Variants in LTN1 observed in about 807,000 individuals in gnomAD.
LTN1 encodes the protein listerin E3 ubiquitin protein ligase 1.
In LTN1, 88 loss-of-function variants were observed where a neutral mutation model predicts 201.2. That is an observed-to-expected ratio of 0.44 (90% CI 0.37 to 0.52). LTN1 has a LOEUF of 0.52. Among genes scored for constraint, LTN1 ranks in the 20% least tolerant of loss-of-function variants. The pLI is 0.00. For missense variants in LTN1, 1,752 were observed against 2,038.7 expected, an observed-to-expected ratio of 0.86 and a Z score of 2.71; for synonymous variants, 645 against 713.5, an observed-to-expected ratio of 0.90 and a Z score of 1.53.
Position 28,976,725 on chromosome 21 carries a change from T to C in LTN1, c.810+4394A>G, listed in dbSNP as rs140370070. Among the ~76,000 whole-genome samples the C allele has an allele frequency of 6.5e-3, 990 of 152,284 alleles. 26 individuals are homozygous for C. Among genetic ancestry groups the C allele is most frequent in the Admixed American group, 0.049 (747 of 15,280 alleles). Reference sequence around the variant, plus strand: ...GTACAACCACAATTAAAATTCTAGTTAGACGTTTTTGAGAAATTCAACAAA... The same window carrying C: ...GTACAACCACAATTAAAATTCTAGTCAGACGTTTTTGAGAAATTCAACAAA... On this transcript the variant is annotated intron_variant, in intron 6 of 29. Coordinates refer to ENST00000361371, the MANE Select transcript of LTN1 (RefSeq NM_015565.3).
rs1420009782 is a variant in LTN1, at chr21:28,957,339, G to C, written c.2885C>G (p.Pro962Arg). The change falls in exon 15 of 30, where the codon CCT becomes CGT. Residue 962 changes from proline to arginine, a missense_variant. Physicochemically the swap from Pro to Arg is moderately radical, Grantham distance 103. Around this residue, in one of 3 missense-constraint regions of LTN1, gnomAD observed 1,211 missense variants for 1,312.8 expected, o/e 0.92. Transcript: ENST00000361371. Reference sequence around the variant, plus strand: ...CTTCAATTTCCAAAATACCTGCATAGGAAGAGACTGCCTCATCTTTTCCCA... The same window carrying C: ...CTTCAATTTCCAAAATACCTGCATACGAAGAGACTGCCTCATCTTTTCCCA... ...SEWEKMRQSL[P>R]MQWLHRPLLE... 6.3e-7 allele frequency: 1 copy of C among 1,591,936 alleles called. No homozygotes were observed. The highest frequency in any genetic ancestry group is 1.1e-5 in the South Asian group (1 of 88,152).
At chr21:28,973,807 G>A (rs1164587993) in intron 6 of LTN1, among the ~76,000 whole-genome samples, 1 of 152,178 alleles carries the variant, frequency 6.6e-6, no homozygotes, top group African/African-American at 2.4e-5. Context: ...ATAATCAAGT[G>A]CATGGTATTG....
chr21:28,935,833 C>T (rs893128049), intron 26 of LTN1, among the ~76,000 whole-genome samples: 1 of 139,846 alleles, frequency 7.2e-6, no homozygotes, highest in Non-Finnish European at 1.5e-5. Context: ...GAGCGAGACT[C>T]CGTCTCAAAA....
At chr21:28,957,648 T>G (rs1249397931) in intron 14 of LTN1, among the ~76,000 whole-genome samples, 172 bp from the exon 15 acceptor site, 1 of 152,104 alleles carries the variant, frequency 6.6e-6, no homozygotes, top group Non-Finnish European at 1.5e-5. Flanking sequence ...ACAGTCAAAC[T>G]GGGGAGGTAA....
intron 6 of LTN1, among the ~76,000 whole-genome samples, chr21:28,974,966 A>G (rs1601205508): frequency 6.6e-6 from 1 of 151,858 alleles, no homozygotes; most frequent in Non-Finnish European, 1.5e-5. Flanking sequence ...GGGTCTAATC[A>G]AGTTAACTGC....
intron 7 of LTN1, 88 bp from the exon 8 acceptor site, chr21:28,970,830 G>C: frequency 1.0e-6 from 1 of 983,280 alleles, no homozygotes; most frequent in African/African-American, 1.7e-5. Context: ...CTCTCAAAAA[G>C]AAAAACCAAG....
At chr21:28,991,692 G>T (rs1368739442) in intron 1 of LTN1, among the ~76,000 whole-genome samples, 1 of 152,170 alleles carries the variant, frequency 6.6e-6, no homozygotes, top group African/African-American at 2.4e-5. Flanking sequence ...ATTAAAAGAT[G>T]CAAGTAAAGT....
chr21:28,980,677 C>T (rs2084651848), intron 6 of LTN1, among the ~76,000 whole-genome samples: 1 of 151,784 alleles, frequency 6.6e-6, no homozygotes, highest in South Asian at 2.1e-4. Flanking sequence ...AGGGCAATGC[C>T]TCAGTATTCA....
At chr21:28,965,539 C>T (rs1345259959) in intron 11 of LTN1, among the ~76,000 whole-genome samples, 1 of 152,034 alleles carries the variant, frequency 6.6e-6, no homozygotes, top group Non-Finnish European at 1.5e-5. Flanking sequence ...GAAAAAGTAA[C>T]TAGAATAACA....
intron 10 of LTN1, among the ~76,000 whole-genome samples, 192 bp from the exon 11 acceptor site, chr21:28,966,098 AC>A (rs2084520098): frequency 6.6e-6 from 1 of 152,192 alleles, no homozygotes; most frequent in Non-Finnish European, 1.5e-5. Flanking sequence ...TAAATGAAGT[AC>A]CCATGTAACC....
At chr21:28,948,113 C>A (rs9977324) in intron 18 of LTN1, among the ~76,000 whole-genome samples, 129,591 of 129,592 alleles carry the variant, frequency 1, 64,795 homozygotes, top group Middle Eastern at 1. Flanking sequence ...AATCACTTGC[C>A]CCTGGGAGGC....
At chr21:28,982,803 G>A (rs1451013024) in intron 4 of LTN1, among the ~76,000 whole-genome samples, 1 of 152,224 alleles carries the variant, frequency 6.6e-6, no homozygotes, top group Non-Finnish European at 1.5e-5. Context: ...CTCCTGGGGT[G>A]CAGTGCAAGG....
rs541969242 is a variant in LTN1, at chr21:28,988,454, G to A, written c.43-1520C>T. 1.9e-4 allele frequency among the ~76,000 whole-genome samples: 28 copies of A among 147,780 alleles called. No homozygotes were observed. The South Asian group carries it at 4.0e-3, about 21-fold the overall frequency. Reference sequence around the variant, plus strand: ...TGCACTCCACCCAGGGCAACAGAGCGAGGCTCTGTCTCAAAAAAAAAAAAA... The same window carrying A: ...TGCACTCCACCCAGGGCAACAGAGCAAGGCTCTGTCTCAAAAAAAAAAAAA... On this transcript the variant is annotated intron_variant, in intron 1 of 29. Transcript: ENST00000361371.
At chr21:28,935,752 A>G (rs1199262353) in intron 26 of LTN1, among the ~76,000 whole-genome samples, 3 of 151,516 alleles carry the variant, frequency 2.0e-5, no homozygotes, top group Non-Finnish European at 4.4e-5. Context: ...AGGCAGGAGA[A>G]TGGCATGAAC....
intron 4 of LTN1, among the ~76,000 whole-genome samples, chr21:28,982,654 A>T (rs2084667920): frequency 6.6e-6 from 1 of 152,210 alleles, no homozygotes; most frequent in African/African-American, 2.4e-5. Flanking sequence ...AGTGAATGTG[A>T]ATCTGGGAGA....
chr21:28,950,442 G>GA (rs1256193131), intron 18 of LTN1, among the ~76,000 whole-genome samples: 2 of 151,962 alleles, frequency 1.3e-5, no homozygotes, highest in African/African-American at 4.8e-5. Context: ...TTTATAATCA[G>GA]AAAAAAATGT....
intron 18 of LTN1, among the ~76,000 whole-genome samples, chr21:28,951,874 G>A (rs1744118044): frequency 1.3e-5 from 2 of 152,194 alleles, no homozygotes; most frequent in South Asian, 4.2e-4. Flanking sequence ...GGAGGGTGTG[G>A]TGGGAGGATC....
chr21:28,959,794 G>T, intron 12 of LTN1, 97 bp from the exon 13 acceptor site: 1 of 1,094,718 alleles, frequency 9.1e-7, no homozygotes, highest in Non-Finnish European at 1.3e-6. Context: ...GGTCTTTCCT[G>T]GATTTTAAAA....
At chr21:28,957,231 C>G (rs2084433026) in intron 15 of LTN1, 101 bp downstream of exon 15, 13 of 1,191,322 alleles carry the variant, frequency 1.1e-5, no homozygotes, top group Non-Finnish European at 1.4e-5. Context: ...AAGCAAAATA[C>G]TCATTTTATT....
Sources: allele counts gnomAD v4.1 joint callset (sites outside exome capture counted in the v4.1 genomes callset), GRCh38; gene constraint gnomAD v4.1.1; regional missense constraint gnomAD v4.1.1; transcripts MANE v1.5; gene names NCBI Gene and HGNC (gene_info 2026-07-23, HGNC 2026-07-21).